OTULINL: variants seen among roughly 807,000 people sequenced by gnomAD.
OTULINL encodes inactive ubiquitin thioesterase OTULINL.
OTULINL carries 42 observed loss-of-function variants against 43.9 expected under a neutral mutation model. The observed-to-expected ratio is 0.96, with a 90% CI of 0.75 to 1.24. The LOEUF is 1.24. OTULINL is among the 50% of genes most tolerant of loss of function. OTULINL has a pLI of 0.00. For missense variants in OTULINL, 411 were observed against 426.4 expected, an observed-to-expected ratio of 0.96 and a Z score of 0.32; for synonymous variants, 172 against 153.6, an observed-to-expected ratio of 1.12 and a Z score of -0.88.
chr5:14,597,662 G>GA (rs1359185506), intron 1 of OTULINL, among the ~76,000 whole-genome samples: 1 of 152,202 alleles, frequency 6.6e-6, no homozygotes, highest in African/African-American at 2.4e-5. Flanking sequence ...TGTCATCAGT[G>GA]AACAGCTCGT....
At chr5:14,596,138 C>T (rs1759283566) in intron 1 of OTULINL, among the ~76,000 whole-genome samples, 1 of 152,168 alleles carries the variant, frequency 6.6e-6, no homozygotes, top group African/African-American at 2.4e-5. Flanking sequence ...CCCTTGTGGA[C>T]TTTCTGGAGA....
intron 1 of OTULINL, among the ~76,000 whole-genome samples, chr5:14,590,035 G>A (rs1296792870): frequency 7.2e-5 from 11 of 152,132 alleles, no homozygotes; most frequent in Admixed American, 3.3e-4. Flanking sequence ...AAAAGTAACC[G>A]CTTACTTTGG....
In OTULINL at chr5:14,613,539, T is replaced by TA. The variant is rs1312391260; in HGVS notation, c.*3228dup. ...TAGTTAGTACAACCTAAGAGGGAGT[T>TA]AAATGGATCAGGAAAATCGTGTTTT... On this transcript the variant is annotated 3_prime_UTR_variant, in exon 8 of 8. Coordinates refer to ENST00000274217, the MANE Select transcript of OTULINL (RefSeq NM_019018.3). Among the ~76,000 whole-genome samples the TA allele has an allele frequency of 6.6e-6, 1 of 152,148 alleles. No individual in the cohort carries two copies. The highest frequency in any genetic ancestry group is 6.5e-5 in the Admixed American group (1 of 15,270).
Position 14,608,910 on chromosome 5 carries a change from A to C in OTULINL, c.790A>C (p.Ile264Leu). 2 of 1,614,090 alleles carry C rather than the reference A, an allele frequency of 1.2e-6. No individual in the cohort carries two copies. The highest frequency in any genetic ancestry group is 1.7e-6 in the Non-Finnish European group (2 of 1,179,936). ...VYEQMKTKKV[I>L]PSLFRLLFSR... ...TGAACAAATGAAGACTAAAAAGGTC[A>C]TTCCCAGTCTTTTTAGACTCCTGTT... The change falls in exon 7 of 8, where the codon ATT becomes CTT. Residue 264 changes from isoleucine to leucine, a missense_variant. Ile to Leu is a conservative substitution (Grantham distance 5). Transcript: ENST00000274217.
At position 14,610,487 on chromosome 5, in the gene OTULINL, A is replaced by G. The variant is rs886448273; in HGVS notation, c.*173A>G. 4.5e-6 allele frequency: 3 copies of G among 661,362 alleles called. No homozygotes were observed. In the South Asian group the frequency reaches 6.4e-5, roughly 14 times the overall value. The allele number at this position is 661,362 out of a possible 1,614,324, so 41.0% of individuals were successfully genotyped here. ...CATGGATGGTTTTTCTTTATTTTTC[A>G]GTGATTTCCTCTGAAGCAGCTGCAC... On this transcript the variant is annotated 3_prime_UTR_variant, in exon 8 of 8. Transcript: ENST00000274217.
intron 6 of OTULINL, 42 bp from the exon 7 acceptor site, chr5:14,608,706 C>T (rs1387600441): frequency 1.3e-6 from 2 of 1,495,446 alleles, no homozygotes; most frequent in Non-Finnish European, 1.8e-6. Flanking sequence ...TATATGTCTT[C>T]ACCTTTATCC....
intron 5 of OTULINL, among the ~76,000 whole-genome samples, chr5:14,605,211 G>A (rs1229602581): frequency 1.3e-5 from 2 of 152,228 alleles, no homozygotes; most frequent in Non-Finnish European, 2.9e-5. Flanking sequence ...CCACGTGGAA[G>A]CTGTTAAGGC....
chr5:14,588,990 G>C (rs1231379665), intron 1 of OTULINL, among the ~76,000 whole-genome samples: 1 of 152,138 alleles, frequency 6.6e-6, no homozygotes, highest in African/African-American at 2.4e-5. Flanking sequence ...ACGGACCCTG[G>C]GGGAAGCTGG....
chr5:14,610,457 C>G lies in OTULINL; in HGVS notation c.*143C>G, dbSNP rs1759563606. 4 of 765,974 alleles carry G rather than the reference C, an allele frequency of 5.2e-6. No individual in the cohort carries two copies. The East Asian group carries it at 1.1e-4, about 21-fold the overall frequency. The allele number at this position is 765,974 out of a possible 1,614,324, so 47.4% of individuals were successfully genotyped here. A position where few individuals can be genotyped will look rare whatever the true frequency, so the allele number is the denominator to read the frequency against. On this transcript the variant is annotated 3_prime_UTR_variant, in exon 8 of 8. Coordinates refer to ENST00000274217, the MANE Select transcript of OTULINL (RefSeq NM_019018.3). Reference sequence around the variant, plus strand: ...AGGATTACAGGTACACTGGATGCAGCCATGCATGGATGGTTTTTCTTTATT... The same window carrying G: ...AGGATTACAGGTACACTGGATGCAGGCATGCATGGATGGTTTTTCTTTATT...
intron 7 of OTULINL, among the ~76,000 whole-genome samples, chr5:14,609,617 T>C (rs970715241): frequency 1.6e-5 from 2 of 121,604 alleles, no homozygotes; most frequent in African/African-American, 3.1e-5. Flanking sequence ...AGCTTTTTCC[T>C]GTGATTTTTT....
At chr5:14,596,655 G>C (rs975685629) in intron 1 of OTULINL, among the ~76,000 whole-genome samples, 2 of 152,108 alleles carry the variant, frequency 1.3e-5, no homozygotes, top group South Asian at 4.1e-4. Flanking sequence ...GGTAAAGGAG[G>C]CAACTTCTGG....
At chr5:14,591,861 A>G (rs1223196680) in intron 1 of OTULINL, among the ~76,000 whole-genome samples, 6 of 152,228 alleles carry the variant, frequency 3.9e-5, no homozygotes, top group East Asian at 3.8e-4. Context: ...TACATGGCCT[A>G]TGACCTCAGA....
At chr5:14,592,032 G>C (rs1322837474) in intron 1 of OTULINL, among the ~76,000 whole-genome samples, 3 of 152,208 alleles carry the variant, frequency 2.0e-5, no homozygotes, top group African/African-American at 7.2e-5. Context: ...CTGTGTAAGG[G>C]CAGAGCTGAG....
chr5:14,609,488 T>G (rs931068823), intron 7 of OTULINL, among the ~76,000 whole-genome samples: 4 of 152,258 alleles, frequency 2.6e-5, no homozygotes, highest in Non-Finnish European at 5.9e-5. Context: ...TTATCTGACA[T>G]TTTTAAACAA....
intron 1 of OTULINL, among the ~76,000 whole-genome samples, chr5:14,587,766 G>A (rs1759132104): frequency 6.6e-6 from 1 of 152,166 alleles, no homozygotes; most frequent in African/African-American, 2.4e-5. Flanking sequence ...TGACTGTCAT[G>A]ATAGAGGACT....
intron 5 of OTULINL, among the ~76,000 whole-genome samples, chr5:14,604,885 C>G (rs1321406453): frequency 6.6e-6 from 1 of 152,230 alleles, no homozygotes; most frequent in Non-Finnish European, 1.5e-5. Flanking sequence ...CTTTCACAGG[C>G]TAGTGTCAAG....
Position 14,611,824 on chromosome 5 carries a change from TACTTC to T in OTULINL, c.*1513_*1517del, listed in dbSNP as rs1199569954. The stretch of plus-strand genomic sequence containing the variant: ...CACAAATCCCTTTCTAAGAATGACT[TACTTC>T]ACGAGATATTTAGCACTATCATTTT... On this transcript the variant is annotated 3_prime_UTR_variant, in exon 8 of 8. Coordinates refer to ENST00000274217, the MANE Select transcript of OTULINL (RefSeq NM_019018.3). 1 of 152,228 alleles carries T rather than the reference TACTTC, an allele frequency of 6.6e-6. No homozygotes were observed. Among genetic ancestry groups the T allele is most frequent in the African/African-American group, 2.4e-5 (1 of 41,456 alleles). 9.4% of individuals were successfully genotyped at this position (152,228 alleles called of 1,614,324 possible). A position where few individuals can be genotyped will look rare whatever the true frequency, so the allele number is the denominator to read the frequency against.
intron 1 of OTULINL, among the ~76,000 whole-genome samples, chr5:14,598,243 A>C (rs1759321242): frequency 6.6e-6 from 1 of 152,214 alleles, no homozygotes; most frequent in African/African-American, 2.4e-5. Flanking sequence ...CTTCACATCC[A>C]CCCACAAGTG....
rs1004100781 is a variant in OTULINL at position 14,581,903 on chromosome 5, G to A, written c.9G>A (p.Ala3=). 4.2e-6 allele frequency: 6 copies of A among 1,413,750 alleles called. No individual in the cohort carries two copies. The highest frequency in any genetic ancestry group is 5.4e-5 in the Admixed American group (2 of 36,922). The allele number at this position is 1,413,750 out of a possible 1,614,324, so 87.6% of individuals were successfully genotyped here. MA[A]TRSPTRARER... ...TCCGCAGCGCGGCCGGCATGGCGGC[G>A]ACAAGGAGCCCCACGCGGGCAAGGG... Residue 3 remains alanine (A), a synonymous_variant, in exon 1 of 8, where the codon GCG becomes GCA. Transcript: ENST00000274217.
Sources: allele counts gnomAD v4.1 joint callset (sites outside exome capture counted in the v4.1 genomes callset), GRCh38; gene constraint gnomAD v4.1.1; transcripts MANE v1.5; gene names NCBI Gene and HGNC (gene_info 2026-07-23, HGNC 2026-07-21).